ROPN1L: variants seen among roughly 807,000 people sequenced by gnomAD.
ROPN1L encodes ropporin-1-like protein.
A neutral mutation model predicts 22.7 loss-of-function variants in ROPN1L; 23 were observed. That is an observed-to-expected ratio of 1.01 (90% CI 0.73 to 1.43). The LOEUF (loss-of-function observed/expected upper bound fraction) is 1.43, where lower values mean the gene tolerates loss of function less well. Ranked by LOEUF, ROPN1L falls within the 40% of genes most tolerant of loss-of-function variation. The pLI, the probability that ROPN1L is intolerant of heterozygous loss-of-function variation, is 0.00. For synonymous variants in ROPN1L, 116 were observed against 117.8 expected (o/e 0.98, Z 0.10); for missense variants, 271 against 291.5 (o/e 0.93, Z 0.51).
chr5:10,444,692 A>G (rs1396788439), intron 1 of ROPN1L, among the ~76,000 whole-genome samples: 1 of 149,052 alleles, frequency 6.7e-6, no homozygotes, highest in Non-Finnish European at 1.5e-5. Flanking sequence ...TGAGGTCAGG[A>G]GTTCGAGACC....
chr5:10,479,857 G>T, the ROPN1L span, among the ~76,000 whole-genome samples: 2 of 152,006 alleles, frequency 1.3e-5, no homozygotes, highest in African/African-American at 4.8e-5. Flanking sequence ...CAATTTTCCT[G>T]CCTCAGCCTC....
chr5:10,448,443 C>T (rs1741150230), intron 2 of ROPN1L, 60 bp downstream of exon 2: 2 of 1,604,924 alleles, frequency 1.2e-6, no homozygotes, highest in Non-Finnish European at 1.7e-6. Flanking sequence ...TTACCGTTCA[C>T]TGTGCATTGA....
downstream of ROPN1L, among the ~76,000 whole-genome samples, chr5:10,466,224 C>T (rs1735152055): frequency 6.6e-6 from 1 of 152,186 alleles, no homozygotes; most frequent in Non-Finnish European, 1.5e-5. Context: ...AGTGTGGGCC[C>T]CTCTAAAACT....
intron 1 of ROPN1L, 83 bp downstream of exon 1, chr5:10,442,381 G>A (rs945489853): frequency 1.3e-6 from 2 of 1,552,310 alleles, no homozygotes; most frequent in African/African-American, 1.4e-5. Flanking sequence ...CGGACCAGGG[G>A]CCTTACGCGG....
chr5:10,448,918 G>A (rs746063146), intron 2 of ROPN1L, among the ~76,000 whole-genome samples: 6 of 152,348 alleles, frequency 3.9e-5, no homozygotes, highest in South Asian at 2.1e-4. Context: ...TTTTACAGAC[G>A]TGAGTTACTA....
intron 4 of ROPN1L, among the ~76,000 whole-genome samples, 181 bp from the exon 5 acceptor site, chr5:10,464,667 G>A (rs866539144): frequency 6.6e-5 from 10 of 152,192 alleles, no homozygotes; most frequent in Admixed American, 2.6e-4. Context: ...TTTATTATAC[G>A]TTTTGGTGCA....
At chr5:10,442,352 G>T in intron 1 of ROPN1L, 54 bp downstream of exon 1, 1 of 1,594,126 alleles carries the variant, frequency 6.3e-7, no homozygotes, top group Non-Finnish European at 8.5e-7. Context: ...AGCCAGACGA[G>T]CCCAGAGAGC....
At position 10,442,318 on chromosome 5, in the gene ROPN1L, G is replaced by A; in HGVS notation, c.131+20G>A. On this transcript the variant is annotated intron_variant, in intron 1 of 4. Coordinates refer to ENST00000274134, the MANE Select transcript of ROPN1L (RefSeq NM_031916.5). ...CGCGGGGTAAGCGCCCTTGGCCCGG[G>A]GAGCTGTCCGGTCTACATGCCCAAG... is the stretch of plus-strand genomic sequence containing the variant. The A allele has an allele frequency of 6.2e-7, 1 of 1,611,292 alleles. No individual in the cohort carries two copies. Among genetic ancestry groups the A allele is most frequent in the Non-Finnish European group, 8.5e-7 (1 of 1,179,340 alleles).
At chr5:10,445,263 G>C (rs1026887596) in intron 1 of ROPN1L, among the ~76,000 whole-genome samples, 1 of 152,146 alleles carries the variant, frequency 6.6e-6, no homozygotes, top group Non-Finnish European at 1.5e-5. Flanking sequence ...GAGCCACCGC[G>C]CCTGACCAAG....
downstream of ROPN1L, among the ~76,000 whole-genome samples, chr5:10,469,668 T>C (rs1447133197): frequency 1.3e-5 from 2 of 152,226 alleles, no homozygotes; most frequent in Non-Finnish European, 2.9e-5. Flanking sequence ...CATTGAAATA[T>C]GTGTCTTAAG....
downstream of ROPN1L, among the ~76,000 whole-genome samples, chr5:10,475,013 G>T (rs1018197922): frequency 1.3e-5 from 2 of 152,234 alleles, no homozygotes; most frequent in African/African-American, 4.8e-5. Flanking sequence ...ATGTGTTCCA[G>T]ATGGGAATGG....
intron 4 of ROPN1L, among the ~76,000 whole-genome samples, chr5:10,471,638 G>T (rs1446377928): frequency 2.0e-5 from 3 of 152,214 alleles, no homozygotes; most frequent in Non-Finnish European, 2.9e-5. Context: ...GCCTGAAAGT[G>T]CAGGAGAAGC....
At chr5:10,458,198 C>G (rs1414231402) in intron 3 of ROPN1L, among the ~76,000 whole-genome samples, 3 of 152,050 alleles carry the variant, frequency 2.0e-5, no homozygotes. Context: ...CCTTCCTGTC[C>G]TGTCCTGTGT....
At chr5:10,445,368 A>C (rs1741024004) in intron 1 of ROPN1L, among the ~76,000 whole-genome samples, 1 of 152,250 alleles carries the variant, frequency 6.6e-6, no homozygotes, top group Admixed American at 6.5e-5. Context: ...GTCACAGGAC[A>C]GAATCTGTTA....
In ROPN1L at chr5:10,464,640, C is replaced by T. The variant is rs950337642; in HGVS notation, c.594-208C>T. ...ATGCATATAGCACCCATCTTTTCACCTAGAAATAAAGCTACATTTATTATA... is the reference window on the plus strand; with the variant it reads ...ATGCATATAGCACCCATCTTTTCACTTAGAAATAAAGCTACATTTATTATA... On this transcript the variant is annotated intron_variant, in intron 4 of 4. Coordinates refer to ENST00000274134, the MANE Select transcript of ROPN1L (RefSeq NM_031916.5). Among the ~76,000 whole-genome samples the T allele has an allele frequency of 7.2e-5, 11 of 152,210 alleles. No homozygotes were observed. In the South Asian group the frequency reaches 2.3e-3, roughly 32 times the overall value.
chr5:10,473,652 G>A (rs1485894741), downstream of ROPN1L, among the ~76,000 whole-genome samples: 1 of 152,164 alleles, frequency 6.6e-6, no homozygotes, highest in Non-Finnish European at 1.5e-5. Flanking sequence ...TGCAAACCAA[G>A]TCCAAAGGGG....
At chr5:10,468,978 A>AC (rs1735201717), downstream of ROPN1L, among the ~76,000 whole-genome samples, 1 of 151,884 alleles carries the variant, frequency 6.6e-6, no homozygotes, top group South Asian at 2.1e-4. Context: ...ACACGGTGAA[A>AC]CCCCGTCTCT....
chr5:10,473,780 T>G (rs1579665846), downstream of ROPN1L, among the ~76,000 whole-genome samples: 1 of 152,104 alleles, frequency 6.6e-6, no homozygotes, highest in South Asian at 2.1e-4. Context: ...CTGAAGAAAG[T>G]TGAAGAACTG....
chr5:10,479,332 CCAGATGTGATGACTATT>C, the ROPN1L span: 1 of 152,206 alleles, frequency 6.6e-6, no homozygotes, highest in African/African-American at 2.4e-5. Context: ...GCCCAGCCCC[CCAGATGTGATGACTATT>C]CTCTTTCAAA....
Sources: allele counts gnomAD v4.1 joint callset (sites outside exome capture counted in the v4.1 genomes callset), GRCh38; gene constraint gnomAD v4.1.1; transcripts MANE v1.5; gene names NCBI Gene and HGNC (gene_info 2026-07-23, HGNC 2026-07-21).